Variants in KDM4B observed in about 807,000 individuals in gnomAD.
KDM4B encodes lysine demethylase 4B, also known as lysine-specific demethylase 4B.
Under a neutral mutation model 125.2 loss-of-function variants are expected in KDM4B, and 32 were observed. The ratio of observed to expected loss-of-function variants is 0.26; its 90% confidence interval spans 0.19 to 0.34. The LOEUF (loss-of-function observed/expected upper bound fraction) is 0.34, where lower values mean the gene tolerates loss of function less well. Among genes scored for constraint, KDM4B ranks in the 10% least tolerant of loss-of-function variants. The pLI is 1.00. For missense variants in KDM4B, 1,190 were observed against 1,577.7 expected, an observed-to-expected ratio of 0.75 and a Z score of 4.16; for synonymous variants, 721 against 677.9, an observed-to-expected ratio of 1.06 and a Z score of -0.99.
intron 1 of KDM4B, among the ~76,000 whole-genome samples, chr19:4,977,049 T>G (rs523064): frequency 0.32 from 48,895 of 151,364 alleles, 8,358 homozygotes; most frequent in East Asian, 0.72. Flanking sequence ...GTTTTTTTTT[T>G]ATTTTTGCTT....
At chr19:5,014,122 C>T (rs1477809593) in intron 1 of KDM4B, among the ~76,000 whole-genome samples, 2 of 152,224 alleles carry the variant, frequency 1.3e-5, no homozygotes, top group Non-Finnish European at 1.5e-5. Context: ...GAGCTCATTG[C>T]GTGCTCTAGG....
chr19:5,111,264 C>A (rs2039138656), intron 10 of KDM4B: 1 of 673,350 alleles, frequency 1.5e-6, no homozygotes, highest in African/African-American at 1.8e-5. Context: ...GTCGGGTTCC[C>A]TGCAAGGACT....
intron 1 of KDM4B, among the ~76,000 whole-genome samples, chr19:4,990,055 T>C (rs1176996968): frequency 1.3e-5 from 2 of 152,072 alleles, no homozygotes; most frequent in Non-Finnish European, 2.9e-5. Flanking sequence ...TTTGGGGGGC[T>C]GAGGTGGGAG....
In KDM4B at chr19:4,996,721, C is replaced by T. The variant is rs866986396; in HGVS notation, c.-108-19536C>T. ...CTCTGCCCCTCCTTATAACCTGTCT[C>T]CTCGTGCTGGTTCTTGTTTGAGTTG... On this transcript the variant is annotated intron_variant, in intron 1 of 22. Transcript: ENST00000159111. Among the ~76,000 whole-genome samples, 3 of 152,308 alleles carry T rather than the reference C, an allele frequency of 2.0e-5. No individual in the cohort carries two copies. The Middle Eastern group carries it at 0.01, about 518-fold the overall frequency.
chr19:5,088,796 AGAAG>A (rs2038594527), intron 9 of KDM4B, among the ~76,000 whole-genome samples: 1 of 152,084 alleles, frequency 6.6e-6, no homozygotes, highest in Admixed American at 6.5e-5. Context: ...GGGCAGATAC[AGAAG>A]GAAGAATGTG....
At chr19:5,045,573 T>G (rs1438982256) in intron 5 of KDM4B, among the ~76,000 whole-genome samples, 1 of 151,922 alleles carries the variant, frequency 6.6e-6, no homozygotes, top group African/African-American at 2.4e-5. Context: ...TTTCTTTTTT[T>G]TTTTTTGAGA....
chr19:4,993,310 G>T (rs2145390038), intron 1 of KDM4B, among the ~76,000 whole-genome samples: 1 of 152,128 alleles, frequency 6.6e-6, no homozygotes, highest in East Asian at 1.9e-4. Flanking sequence ...TCGGGAGGCT[G>T]AGGCACCAGA....
intron 9 of KDM4B, among the ~76,000 whole-genome samples, chr19:5,088,916 G>A (rs62115605): frequency 0.21 from 32,421 of 152,134 alleles, 4,515 homozygotes; most frequent in East Asian, 0.63. Flanking sequence ...CAGCGTGGGT[G>A]AACCCTGAGG....
At chr19:5,128,992 G>A (rs1318123514) in intron 11 of KDM4B, among the ~76,000 whole-genome samples, 1 of 152,162 alleles carries the variant, frequency 6.6e-6, no homozygotes, top group African/African-American at 2.4e-5. Flanking sequence ...GGAGGAGCCC[G>A]GCCAGTGCCC....
At chr19:5,064,747 T>C (rs1233098876) in intron 6 of KDM4B, among the ~76,000 whole-genome samples, 1 of 152,106 alleles carries the variant, frequency 6.6e-6, no homozygotes, top group East Asian at 1.9e-4. Context: ...CCCATTCCGC[T>C]TGCAGTAGGA....
chr19:5,144,994 C>G (rs764873529), intron 21 of KDM4B, 92 bp downstream of exon 21: 3 of 1,550,826 alleles, frequency 1.9e-6, no homozygotes, highest in South Asian at 2.3e-5. Context: ...GCCCAGGTGC[C>G]TTTGCCTGGG....
intron 6 of KDM4B, among the ~76,000 whole-genome samples, chr19:5,052,461 G>T (rs2037260508): frequency 6.6e-6 from 1 of 152,134 alleles, no homozygotes; most frequent in South Asian, 2.1e-4. Context: ...GGCAGAGCCT[G>T]GGGTGGATGA....
chr19:5,042,849 C>T (rs536505300), intron 5 of KDM4B, among the ~76,000 whole-genome samples: 1 of 151,832 alleles, frequency 6.6e-6, no homozygotes, highest in African/African-American at 2.4e-5. Context: ...CCTGCAGTTC[C>T]ACAGACTCAA....
intron 22 of KDM4B, 21 bp from the exon 23 acceptor site, chr19:5,151,314 T>C: frequency 2.0e-6 from 3 of 1,505,314 alleles, no homozygotes; most frequent in Non-Finnish European, 1.8e-6. Flanking sequence ...TGCTAACCAC[T>C]GTGCTTCCGC....
At chr19:5,065,622 C>G (rs2037743798) in intron 6 of KDM4B, among the ~76,000 whole-genome samples, 1 of 152,242 alleles carries the variant, frequency 6.6e-6, no homozygotes, top group Non-Finnish European at 1.5e-5. Flanking sequence ...GGACAGAAAA[C>G]TCTTTCCGGG....
intron 14 of KDM4B, 119 bp downstream of exon 14, chr19:5,134,180 C>T (rs1273099176): frequency 3.1e-6 from 3 of 967,550 alleles, no homozygotes; most frequent in East Asian, 2.5e-5. Flanking sequence ...TTGGCCAGCA[C>T]CCCGAGTTGT....
intron 9 of KDM4B, 67 bp from the exon 10 acceptor site, chr19:5,110,555 G>C (rs187582350): frequency 3.7e-5 from 56 of 1,526,504 alleles, no homozygotes; most frequent in Non-Finnish European, 5.0e-5. Context: ...ACCTGCTCTG[G>C]GGTGGGGTGT....
chr19:4,992,382 C>T (rs1326341235), intron 1 of KDM4B, among the ~76,000 whole-genome samples: 4 of 152,076 alleles, frequency 2.6e-5, no homozygotes, highest in African/African-American at 9.7e-5. Context: ...TTGAGATCTT[C>T]CTCTTTTTAA....
chr19:4,995,600 G>A (rs961031141), intron 1 of KDM4B, among the ~76,000 whole-genome samples: 7 of 152,120 alleles, frequency 4.6e-5, no homozygotes, highest in Non-Finnish European at 1.0e-4. Context: ...TTTTTAATTT[G>A]AATTGGTAGA....
Sources: gnomAD v4.1 joint callset for allele counts (sites outside exome capture counted in the v4.1 genomes callset) on GRCh38, gnomAD v4.1.1 for gene constraint, MANE v1.5 for transcripts, NCBI Gene and HGNC (gene_info 2026-07-23, HGNC 2026-07-21) for gene names.